TSEN2: variants seen among roughly 807,000 people sequenced by gnomAD.
The protein encoded by TSEN2 is tRNA splicing endonuclease subunit 2.
Under a neutral mutation model 59.2 loss-of-function variants are expected in TSEN2, and 54 were observed. That is an observed-to-expected ratio of 0.91 (90% CI 0.73 to 1.14). The LOEUF is 1.14. TSEN2 is among the 50% of genes most tolerant of loss of function. The pLI is 0.00. For missense variants in TSEN2, 636 were observed against 576.2 expected, an observed-to-expected ratio of 1.10 and a Z score of -1.06; for synonymous variants, 195 against 198.2, an observed-to-expected ratio of 0.98 and a Z score of 0.14.
At chr3:12,520,950 T>C (rs57466115) in intron 8 of TSEN2, among the ~76,000 whole-genome samples, 5,001 of 152,246 alleles carry the variant, frequency 0.033, 267 homozygotes, top group African/African-American at 0.11. Flanking sequence ...CTCTTCACCC[T>C]CAGGTAGACC....
upstream of TSEN2, among the ~76,000 whole-genome samples, chr3:12,481,923 G>GTATATATATATATA (rs10557886): frequency 2.7e-5 from 4 of 148,316 alleles, no homozygotes; most frequent in African/African-American, 7.4e-5. Context: ...GTGTGTCTGC[G>GTATATATATATATA]TATATATATA....
chr3:12,502,677 GTT>G (rs773322162), intron 4 of TSEN2, among the ~76,000 whole-genome samples: 7 of 105,486 alleles, frequency 6.6e-5, no homozygotes, highest in Admixed American at 1.9e-4. Flanking sequence ...AGTTTTTTTT[GTT>G]TTTTTTTTTG....
chr3:12,500,952 G>T (rs17036847), intron 4 of TSEN2, among the ~76,000 whole-genome samples: 3,739 of 152,310 alleles, frequency 0.025, 67 homozygotes, highest in South Asian at 0.06. Flanking sequence ...CAGTGGTTCT[G>T]TCACGTGTTT....
intron 6 of TSEN2, among the ~76,000 whole-genome samples, chr3:12,514,190 G>T (rs190542613): frequency 6.6e-6 from 1 of 152,170 alleles, no homozygotes; most frequent in East Asian, 1.9e-4. Context: ...TCCAAGAAGT[G>T]ACCTTTGAGT....
rs558443703 is a variant in TSEN2, at chr3:12,518,517, C to G, written c.961-542C>G. Among the ~76,000 whole-genome samples the G allele has an allele frequency of 5.9e-5, 9 of 152,244 alleles. No homozygotes were observed. In the South Asian group the frequency reaches 1.9e-3, roughly 32 times the overall value. On this transcript the variant is annotated intron_variant, in intron 7 of 11. Coordinates refer to ENST00000284995, the MANE Select transcript of TSEN2 (RefSeq NM_025265.4). ...TGCTCAAATGCTGCCTTTTCTAAGT[C>G]CTCTGGAGCAGTGCTGTGCAATAGA...
chr3:12,508,466 C>T (rs1159217474), intron 6 of TSEN2, among the ~76,000 whole-genome samples: 1 of 152,122 alleles, frequency 6.6e-6, no homozygotes, highest in Non-Finnish European at 1.5e-5. Flanking sequence ...TGCATGTACC[C>T]GCGGAGTGTT....
Position 12,489,989 on chromosome 3 carries a change from A to G in TSEN2, c.189A>G (p.Lys63=). ...AGGACATTGAGCAGCTCTATGGGAA[A>G]GTAAGTGCAGGCAGCCTTGGTAAGA... ...NAEDIEQLYG[K]GYFGKGILSR... Residue 63 remains lysine, a splice_region_variant and synonymous_variant, in exon 2 of 12, where the codon AAA becomes AAG. Coordinates refer to ENST00000284995, the MANE Select transcript of TSEN2 (RefSeq NM_025265.4). The G allele has an allele frequency of 6.2e-7, 1 of 1,614,116 alleles. No homozygotes were observed. Among genetic ancestry groups the G allele is most frequent in the South Asian group, 1.1e-5 (1 of 91,086 alleles).
At position 12,529,866 on chromosome 3, in the gene TSEN2, TCTCTAAGGTAACACAA is replaced by T. The variant is rs753094867; in HGVS notation, c.1243_1248+10del. ...GCCTTGAGCAGAGTTTCCGTTAATG[TCTCTAAGGTAACACAA>T]CATCAGCTTTGCCATTGGAGTGTCA... is the stretch of plus-strand genomic sequence containing the variant. On this transcript the variant is annotated splice_donor_variant and splice_donor_5th_base_variant and coding_sequence_variant and intron_variant, in exon 10 of 12. Coordinates refer to ENST00000284995, the MANE Select transcript of TSEN2 (RefSeq NM_025265.4). LOFTEE classifies it high-confidence loss of function. 1 of 1,614,034 alleles carries T rather than the reference TCTCTAAGGTAACACAA, an allele frequency of 6.2e-7. No homozygotes were observed. Among genetic ancestry groups the T allele is most frequent in the Admixed American group, 1.7e-5 (1 of 60,002 alleles).
intron 10 of TSEN2, 140 bp from the exon 11 acceptor site, chr3:12,531,430 A>G (rs2057451794): frequency 4.7e-6 from 3 of 636,458 alleles, no homozygotes; most frequent in South Asian, 1.8e-5. Context: ...TTTCCCCAGG[A>G]GGAAACTGAT....
chr3:12,522,077 C>T (rs921375444), intron 8 of TSEN2, among the ~76,000 whole-genome samples: 2 of 151,830 alleles, frequency 1.3e-5, no homozygotes, highest in Admixed American at 1.3e-4. Context: ...ATTCTCATAA[C>T]TTTCATTATA....
intron 4 of TSEN2, among the ~76,000 whole-genome samples, chr3:12,502,072 A>G (rs930352231): frequency 2.6e-5 from 4 of 152,252 alleles, no homozygotes. Flanking sequence ...CATTTCTGTT[A>G]GAATATGTGG....
At chr3:12,499,426 G>T (rs879886633) in intron 4 of TSEN2, among the ~76,000 whole-genome samples, 5 of 152,240 alleles carry the variant, frequency 3.3e-5, no homozygotes, top group Non-Finnish European at 7.3e-5. Context: ...GAAGTGAACA[G>T]TTGTGCTGTC....
At chr3:12,529,546 A>T (rs2057329698) in intron 9 of TSEN2, among the ~76,000 whole-genome samples, 1 of 151,848 alleles carries the variant, frequency 6.6e-6, no homozygotes, top group African/African-American at 2.4e-5. Flanking sequence ...TGGGAAAAGT[A>T]TTTGTTTTTT....
intron 10 of TSEN2, chr3:12,538,855 GCC>G: frequency 5.0e-6 from 1 of 201,758 alleles, no homozygotes; most frequent in Non-Finnish European, 1.0e-5. Flanking sequence ...AAAGAAGATA[GCC>G]CTCTCTTCAT....
intron 4 of TSEN2, among the ~76,000 whole-genome samples, chr3:12,501,758 C>T (rs2054304564): frequency 6.6e-6 from 1 of 152,178 alleles, no homozygotes; most frequent in East Asian, 1.9e-4. Flanking sequence ...TTACATCTGC[C>T]TTCTCACAAG....
chr3:12,531,953 TCA>T, intron 11 of TSEN2, among the ~76,000 whole-genome samples: 1 of 152,300 alleles, frequency 6.6e-6, no homozygotes, highest in East Asian at 1.9e-4. Flanking sequence ...CCAGGACTTC[TCA>T]CAGGTCTCAT....
chr3:12,492,175 A>G lies in TSEN2; in HGVS notation c.229A>G (p.Ser77Gly). The stretch of plus-strand genomic sequence containing the variant: ...AGGTATTCTTTCAAGAAGCCGTCCA[A>G]GCTTCACAATTTCAGATCCTAAACT... ...GKGILSRSRP[S>G]FTISDPKLVA... The change falls in exon 3 of 12, where the codon AGC (serine) becomes GGC (glycine). Residue 77 changes from serine to glycine, a missense_variant. Ser to Gly is a moderately conservative substitution (Grantham distance 56). Transcript: ENST00000284995. 1 of 1,614,192 alleles carries G rather than the reference A, an allele frequency of 6.2e-7. No individual in the cohort carries two copies. Among genetic ancestry groups the G allele is most frequent in the Non-Finnish European group, 8.5e-7 (1 of 1,180,016 alleles).
At chr3:12,539,596 CT>C (rs1235520065) in exon 11 of TSEN2, 3 of 160,182 alleles carry the variant, frequency 1.9e-5, no homozygotes, top group Non-Finnish European at 4.1e-5. Flanking sequence ...ATTTTCATTG[CT>C]CTGTGAATAA....
intron 2 of TSEN2, among the ~76,000 whole-genome samples, 193 bp from the exon 3 acceptor site, chr3:12,491,943 G>A (rs2053258049): frequency 6.6e-6 from 1 of 152,148 alleles, no homozygotes; most frequent in Non-Finnish European, 1.5e-5. Context: ...AAGTATATGG[G>A]AGGGCCTACG....
Sources: gnomAD v4.1 joint callset for allele counts (sites outside exome capture counted in the v4.1 genomes callset) on GRCh38, gnomAD v4.1.1 for gene constraint, MANE v1.5 for transcripts, NCBI Gene and HGNC (gene_info 2026-07-23, HGNC 2026-07-21) for gene names.